Variants in ANKRD30BL observed in about 807,000 individuals in gnomAD.
ANKRD30BL encodes the protein putative ankyrin repeat domain-containing protein 30B-like.
A neutral mutation model predicts 18.4 loss-of-function variants in ANKRD30BL; 20 were observed. The observed-to-expected ratio is 1.09, with a 90% CI of 0.77 to 1.58. The LOEUF is 1.58. Among genes scored for constraint, ANKRD30BL ranks in the 40% most tolerant of loss-of-function variants. The probability of loss-of-function intolerance (pLI) is 0.00; values close to 1 mark genes in which losing one functional copy is unlikely to be tolerated. For missense variants in ANKRD30BL, 224 were observed against 268.6 expected (o/e 0.83, Z 1.16); for synonymous variants, 72 against 100.9 (o/e 0.71, Z 1.72).
chr2:132,205,782 A>G, intron 1 of ANKRD30BL, among the ~76,000 whole-genome samples: 1 of 152,090 alleles, frequency 6.6e-6, no homozygotes, highest in Non-Finnish European at 1.5e-5. Context: ...TCCCATAAAT[A>G]TTCTCACTAT....
At chr2:132,148,722 A>G (rs561463591) in intron 5 of ANKRD30BL, among the ~76,000 whole-genome samples, 1 of 152,274 alleles carries the variant, frequency 6.6e-6, no homozygotes, top group Admixed American at 6.5e-5. Flanking sequence ...AAAATGTCTG[A>G]CACATACTGA....
rs920714391 is a variant in ANKRD30BL at position 132,240,457 on chromosome 2, C to T, written n.441+17072G>A. Among the ~76,000 whole-genome samples the T allele has an allele frequency of 6.6e-5, 10 of 151,606 alleles. 1 individual carries two copies. The South Asian group carries it at 1.0e-3, about 16-fold the overall frequency. On this transcript the variant is annotated intron_variant and non_coding_transcript_variant, in intron 1 of 4. Transcript: ENST00000470729. Reference sequence around the variant, plus strand: ...AGAATCTATAAGGGGAAAGTTGGAACGCTTTGAGGCCCATGGTGAAACAGG... The same window carrying T: ...AGAATCTATAAGGGGAAAGTTGGAATGCTTTGAGGCCCATGGTGAAACAGG...
intron 1 of ANKRD30BL, among the ~76,000 whole-genome samples, chr2:132,210,966 A>G (rs1194134408): frequency 1.4e-5 from 2 of 146,352 alleles, no homozygotes; most frequent in East Asian, 4.1e-4. Flanking sequence ...CTTTCTTTTG[A>G]TTGAGAAGTT....
chr2:132,252,940 T>C (rs1056149790), intron 1 of ANKRD30BL, among the ~76,000 whole-genome samples: 61 of 152,090 alleles, frequency 4.0e-4, no homozygotes, highest in African/African-American at 1.4e-3. Context: ...CCTCTCTCTC[T>C]TCCTCACAGC....
At position 132,218,698 on chromosome 2, in the gene ANKRD30BL, G is replaced by C. The variant is rs901652406; in HGVS notation, n.441+38831C>G. Among the ~76,000 whole-genome samples, 5 of 151,766 alleles carry C rather than the reference G, an allele frequency of 3.3e-5. No individual in the cohort carries two copies. The East Asian group carries it at 9.7e-4, about 30-fold the overall frequency. ...GTGATGTTTGCCTTCAACTCACAGA[G>C]TTGAACATACCTTATCATAGAGCAG... On this transcript the variant is annotated intron_variant and non_coding_transcript_variant, in intron 1 of 4. Transcript: ENST00000470729.
chr2:132,234,416 T>G (rs1479275326), intron 1 of ANKRD30BL, among the ~76,000 whole-genome samples: 4 of 151,266 alleles, frequency 2.6e-5, no homozygotes, highest in African/African-American at 9.7e-5. Context: ...TTTGAAAGGA[T>G]CAACAAAATT....
chr2:132,169,644 T>TAAAAAAA (rs60507906), intron 1 of ANKRD30BL, among the ~76,000 whole-genome samples: 1 of 90,876 alleles, frequency 1.1e-5, no homozygotes, highest in African/African-American at 4.2e-5. Flanking sequence ...ATACTCTGTC[T>TAAAAAAA]AAAAAAAAAA....
At chr2:132,221,052 C>T (rs1327003804) in intron 1 of ANKRD30BL, among the ~76,000 whole-genome samples, 51 of 150,046 alleles carry the variant, frequency 3.4e-4, no homozygotes, top group Non-Finnish European at 1.3e-4. Context: ...TGCCCGGCCG[C>T]CCCGTCTGAG....
intron 1 of ANKRD30BL, among the ~76,000 whole-genome samples, chr2:132,207,019 T>A (rs1235344420): frequency 6.6e-6 from 1 of 152,148 alleles, no homozygotes; most frequent in East Asian, 1.9e-4. Context: ...TACTGAATTA[T>A]GGCCCACTCT....
At chr2:132,174,248 T>C (rs1461508134) in intron 1 of ANKRD30BL, among the ~76,000 whole-genome samples, 1 of 152,218 alleles carries the variant, frequency 6.6e-6, no homozygotes, top group Non-Finnish European at 1.5e-5. Context: ...TTTGAGACCC[T>C]GGAACAAACT....
chr2:132,160,461 C>T (rs1261864814), intron 1 of ANKRD30BL, among the ~76,000 whole-genome samples: 1 of 131,912 alleles, frequency 7.6e-6, no homozygotes, highest in Non-Finnish European at 1.5e-5. Flanking sequence ...TATTTTGAGA[C>T]GGAGTCTTGC....
chr2:132,227,360 G>A (rs1319733723), intron 1 of ANKRD30BL, among the ~76,000 whole-genome samples: 2 of 151,898 alleles, frequency 1.3e-5, no homozygotes, highest in Non-Finnish European at 1.5e-5. Flanking sequence ...GAGGCCTATA[G>A]TGGAAAAGGA....
At chr2:132,202,014 C>T (rs1013898386) in intron 1 of ANKRD30BL, among the ~76,000 whole-genome samples, 4 of 152,048 alleles carry the variant, frequency 2.6e-5, no homozygotes, top group African/African-American at 4.8e-5. Flanking sequence ...AAATTGGAAA[C>T]CATCATTCTC....
Position 132,179,892 on chromosome 2 carries a change from G to A in ANKRD30BL, n.442-22746C>T, listed in dbSNP as rs192609409. On this transcript the variant is annotated intron_variant and non_coding_transcript_variant, in intron 1 of 4. Transcript: ENST00000470729. ...AATTAAAAATTGGAAAAAGCTTATA[G>A]ACTTAGATATAAAGAAATGATATTT... is the stretch of plus-strand genomic sequence containing the variant. Among the ~76,000 whole-genome samples the A allele has an allele frequency of 1.5e-3, 222 of 152,222 alleles. 2 individuals carry two copies. Among genetic ancestry groups the A allele is most frequent in the African/African-American group, 4.9e-3 (203 of 41,544 alleles).
At chr2:132,195,490 T>C (rs1465882689) in intron 1 of ANKRD30BL, among the ~76,000 whole-genome samples, 1 of 151,828 alleles carries the variant, frequency 6.6e-6, no homozygotes, top group East Asian at 1.9e-4. Context: ...AACTGGCTTT[T>C]TAAGAAGAAA....
At chr2:132,175,863 T>C (rs1688359310) in intron 1 of ANKRD30BL, among the ~76,000 whole-genome samples, 1 of 152,136 alleles carries the variant, frequency 6.6e-6, no homozygotes, top group African/African-American at 2.4e-5. Context: ...ACAACACATG[T>C]TTTTGTGATC....
At chr2:132,197,973 T>A (rs1449708482) in intron 1 of ANKRD30BL, among the ~76,000 whole-genome samples, 2 of 151,892 alleles carry the variant, frequency 1.3e-5, no homozygotes, top group Admixed American at 6.6e-5. Context: ...TGTGTATTTT[T>A]AAATTATAGA....
rs370768432 is a variant in ANKRD30BL, at chr2:132,212,153, AT to A, written n.441+45375del. Among the ~76,000 whole-genome samples, 123 of 149,430 alleles carry A rather than the reference AT, an allele frequency of 8.2e-4. No homozygotes were observed. The South Asian group carries it at 9.4e-3, about 11-fold the overall frequency. On this transcript the variant is annotated intron_variant and non_coding_transcript_variant, in intron 1 of 4. Coordinates refer to the ANKRD30BL transcript ENST00000470729. ...GTGCATTCATCTCACAGTGTTGAAC[AT>A]TTTTTTTTTATTTAGCTGCTTTCAA...
chr2:132,230,272 G>T (rs561417960), intron 1 of ANKRD30BL, among the ~76,000 whole-genome samples: 3 of 151,884 alleles, frequency 2.0e-5, no homozygotes, highest in Non-Finnish European at 4.4e-5. Context: ...TTTATGGACC[G>T]CTTTGAGGCC....
Sources: gnomAD v4.1 joint callset for allele counts (sites outside exome capture counted in the v4.1 genomes callset) on GRCh38, gnomAD v4.1.1 for gene constraint, MANE v1.5 for transcripts, NCBI Gene and HGNC (gene_info 2026-07-23, HGNC 2026-07-21) for gene names.